The following STAT3 variants were observed in gnomAD, a reference collection of about 807,000 sequenced individuals.
The protein encoded by STAT3 is signal transducer and activator of transcription 3, also known as DNA-binding protein APRF.
Under a neutral mutation model 114.3 loss-of-function variants are expected in STAT3, and 7 were observed. The observed-to-expected ratio is 0.06, with a 90% confidence interval of 0.03 to 0.11. The LOEUF (loss-of-function observed/expected upper bound fraction) is 0.11, where lower values mean the gene tolerates loss of function less well. STAT3 is among the 10% of genes least tolerant of loss of function. The probability of loss-of-function intolerance (pLI) is 1.00; values close to 1 mark genes in which losing one functional copy is unlikely to be tolerated. For missense variants in STAT3, 364 were observed against 960.9 expected (o/e 0.38, Z 8.21); for synonymous variants, 331 against 354.5 (o/e 0.93, Z 0.74).
At chr17:42,335,041 T>C (rs2082175472) in intron 8 of STAT3, among the ~76,000 whole-genome samples, 2 of 152,180 alleles carry the variant, frequency 1.3e-5, no homozygotes, top group South Asian at 4.1e-4. Context: ...GTGCAAGCTT[T>C]GCCAGGCCCT....
At chr17:42,328,278 A>T (rs573801906) in intron 14 of STAT3, among the ~76,000 whole-genome samples, 1 of 152,184 alleles carries the variant, frequency 6.6e-6, no homozygotes, top group Non-Finnish European at 1.5e-5. Flanking sequence ...TACTAATAAT[A>T]CTATTCAAAT....
intron 14 of STAT3, among the ~76,000 whole-genome samples, chr17:42,328,042 A>AAAAAAAG (rs536859989): frequency 0.32 from 48,243 of 148,658 alleles, 10,927 homozygotes; most frequent in African/African-American, 0.65. Flanking sequence ...GACTCAAAAA[A>AAAAAAAG]AAAAAAGAAA....
chr17:42,363,704 G>A (rs9895473), intron 1 of STAT3, among the ~76,000 whole-genome samples: 45,592 of 150,232 alleles, frequency 0.3, 7,214 homozygotes, highest in East Asian at 0.4. Context: ...CTCCTACCTC[G>A]GCCTCCCAAA....
At chr17:42,353,099 G>A (rs1459048512) in intron 1 of STAT3, among the ~76,000 whole-genome samples, 1 of 152,126 alleles carries the variant, frequency 6.6e-6, no homozygotes, top group Non-Finnish European at 1.5e-5. Flanking sequence ...TGTAATCCCA[G>A]CACTTAGGGA....
intron 17 of STAT3, 134 bp from the exon 18 acceptor site, chr17:42,323,759 G>T: frequency 1.2e-6 from 1 of 850,018 alleles, no homozygotes. Context: ...TTGAAGGTAG[G>T]CACTGTTGTG....
chr17:42,357,683 T>TTAAA (rs914044036), intron 1 of STAT3, among the ~76,000 whole-genome samples: 12 of 151,866 alleles, frequency 7.9e-5, no homozygotes, highest in South Asian at 2.1e-4. Flanking sequence ...AAAAAATAAA[T>TTAAA]TAAATAAATA....
Position 42,350,395 on chromosome 17 carries a change from C to T in STAT3, c.-23-1856G>A, listed in dbSNP as rs1217437819. 5.3e-5 allele frequency among the ~76,000 whole-genome samples: 8 copies of T among 152,304 alleles called. No individual in the cohort carries two copies. In the South Asian group the frequency reaches 6.2e-4, roughly 12 times the overall value. On this transcript the variant is annotated intron_variant, in intron 1 of 23. Coordinates refer to ENST00000264657, the MANE Select transcript of STAT3 (RefSeq NM_139276.3). The stretch of plus-strand genomic sequence containing the variant: ...CTCCTGGGCTCAGGCAATCCTCCTA[C>T]CTCAGCCTCCCAAGCAGCTGGGAGT...
In STAT3 at chr17:42,333,675, G is replaced by C; in HGVS notation, c.1047C>G (p.Val349=). 2 of 1,614,012 alleles carry C rather than the reference G, an allele frequency of 1.2e-6. No homozygotes were observed. The highest frequency in any genetic ancestry group is 1.7e-6 in the Non-Finnish European group (2 of 1,179,956). Residue 349 remains valine (V), a splice_region_variant and synonymous_variant, in exon 10 of 24, where the codon GTC becomes GTG. Transcript: ENST00000264657. The surrounding 1 kb of genome is among the most constrained non-coding windows in gnomAD (Gnocchi z 5.2). Reference sequence around the variant, plus strand: ...GAAATGGAAGTGGCATGGCCTACCTGACTTTAGTAGTGAACTGGACGCCGG... The same window carrying C: ...GAAATGGAAGTGGCATGGCCTACCTCACTTTAGTAGTGAACTGGACGCCGG... The part of the protein sequence containing the change: ...IKTGVQFTTK[V]RLLVKFPELN...
chr17:42,339,454 G>T, intron 4 of STAT3, 45 bp from the exon 5 acceptor site: 1 of 1,591,254 alleles, frequency 6.3e-7, no homozygotes, highest in Non-Finnish European at 8.6e-7. Context: ...AGAACTATGG[G>T]GAGAGGAATA....
Position 42,314,734 on chromosome 17 carries a change from T to C in STAT3, c.*1011A>G, listed in dbSNP as rs1321545484. The C allele has an allele frequency of 1.8e-5, 4 of 219,758 alleles. No individual in the cohort carries two copies. Among genetic ancestry groups the C allele is most frequent in the South Asian group, 3.7e-4 (2 of 5,402 alleles). The allele number at this position is 219,758 out of a possible 1,614,324, so 13.6% of individuals were successfully genotyped here. A position where few individuals can be genotyped will look rare whatever the true frequency, so the allele number is the denominator to read the frequency against. ...TCCTATTTCAACACCAAAGGCCAGG[T>C]TGCAGCTTCAGATGTCTTAAGGGTT... On this transcript the variant is annotated 3_prime_UTR_variant, in exon 24 of 24. Transcript: ENST00000264657.
chr17:42,347,393 CA>C (rs111279010), intron 2 of STAT3, among the ~76,000 whole-genome samples: 6 of 152,276 alleles, frequency 3.9e-5, no homozygotes, highest in African/African-American at 1.4e-4. Flanking sequence ...ATCTGTGAAT[CA>C]CCTCCTGGCC....
intron 1 of STAT3, among the ~76,000 whole-genome samples, chr17:42,380,125 C>T (rs1472911069): frequency 6.6e-6 from 1 of 152,096 alleles, no homozygotes; most frequent in Non-Finnish European, 1.5e-5. Context: ...ACCCCCACCT[C>T]CTGGGTTCAA....
chr17:42,343,794 G>C (rs1352225778), intron 4 of STAT3, among the ~76,000 whole-genome samples: 1 of 152,044 alleles, frequency 6.6e-6, no homozygotes, highest in East Asian at 1.9e-4. Context: ...GGTTACTGCT[G>C]CTACTGATTA....
chr17:42,376,878 G>T (rs796904420), intron 1 of STAT3, among the ~76,000 whole-genome samples: 22 of 152,130 alleles, frequency 1.4e-4, no homozygotes, highest in African/African-American at 4.3e-4. Context: ...ATGGGTTTGT[G>T]GGGGGTACAA....
Position 42,315,135 on chromosome 17 carries a change from C to T in STAT3, c.*610G>A, listed in dbSNP as rs1296797389. 2.0e-5 allele frequency: 4 copies of T among 204,856 alleles called. No individual in the cohort carries two copies. Among genetic ancestry groups the T allele is most frequent in the African/African-American group, 4.6e-5 (2 of 43,356 alleles). The allele number at this position is 204,856 out of a possible 1,614,324, so 12.7% of individuals were successfully genotyped here. A position where few individuals can be genotyped will look rare whatever the true frequency, so the allele number is the denominator to read the frequency against. ...CCTCCCAAAGTGCTGGGATTACAGG[C>T]GTGAGCCACCATGCCCGGCTGCTTA... On this transcript the variant is annotated 3_prime_UTR_variant, in exon 24 of 24. Coordinates refer to ENST00000264657, the MANE Select transcript of STAT3 (RefSeq NM_139276.3).
rs2144766285 is a variant in STAT3 at position 42,329,410 on chromosome 17, A to G, written c.1281T>C (p.Asp427=). The change falls in exon 14 of 24, where the codon GAT becomes GAC. Residue 427 remains aspartate, a splice_region_variant and synonymous_variant. Coordinates refer to ENST00000264657, the MANE Select transcript of STAT3 (RefSeq NM_139276.3). ...GTCTTTCATCCCCAACAAAACTTAC[A>G]TCACAATTGGCTCGGCCCCCATTCC... ...RCGNGGRANC[D]ASLIVTEELH... is the part of the protein sequence containing the mutation. The G allele has an allele frequency of 6.2e-7, 1 of 1,613,920 alleles. No homozygotes were observed. The highest frequency in any genetic ancestry group is 8.5e-7 in the Non-Finnish European group (1 of 1,180,016).
At chr17:42,317,103 C>T (rs1471961552) in intron 22 of STAT3, 79 bp downstream of exon 22, 1 of 1,604,634 alleles carries the variant, frequency 6.2e-7, no homozygotes, top group Non-Finnish European at 8.5e-7. Context: ...GGCAGATTAA[C>T]TCTCACCCAG....
intron 1 of STAT3, among the ~76,000 whole-genome samples, chr17:42,360,803 T>A (rs774814443): frequency 5.3e-5 from 8 of 152,162 alleles, no homozygotes; most frequent in Non-Finnish European, 1.2e-4. Context: ...TGGATGCTAT[T>A]CTAATTCTGT....
At chr17:42,316,069 C>T (rs2081236524) in intron 23 of STAT3, 8 of 1,391,244 alleles carry the variant, frequency 5.8e-6, no homozygotes, top group African/African-American at 1.5e-5. Flanking sequence ...ATCTTCTGCC[C>T]TTGATCTACT....
Sources: gnomAD v4.1 joint callset for allele counts (sites outside exome capture counted in the v4.1 genomes callset) on GRCh38, gnomAD v4.1.1 for gene constraint, Gnocchi (gnomAD v3.1) non-coding constraint, MANE v1.5 for transcripts, NCBI Gene and HGNC (gene_info 2026-07-23, HGNC 2026-07-21) for gene names.